ACTN2: variants seen among roughly 807,000 people sequenced by gnomAD.
ACTN2 encodes the protein actinin alpha 2.
A neutral mutation model predicts 113.8 loss-of-function variants in ACTN2; 39 were observed. The ratio of observed to expected loss-of-function variants is 0.34; its 90% confidence interval spans 0.27 to 0.45. ACTN2 has a LOEUF of 0.45. Among genes scored for constraint, ACTN2 ranks in the 20% least tolerant of loss-of-function variants. The pLI is 1.00. For synonymous variants in ACTN2, 429 were observed against 444.1 expected (o/e 0.97, Z 0.43); for missense variants, 992 against 1,177.9 (o/e 0.84, Z 2.31).
At chr1:236,691,437 G>A (rs1325239668) in intron 1 of ACTN2, among the ~76,000 whole-genome samples, 1 of 151,936 alleles carries the variant, frequency 6.6e-6, no homozygotes, top group African/African-American at 2.4e-5. Context: ...GAGCCCAGGA[G>A]TTTGAGACTG....
At chr1:236,692,744 G>A (rs898787279) in intron 1 of ACTN2, among the ~76,000 whole-genome samples, 2 of 152,092 alleles carry the variant, frequency 1.3e-5, no homozygotes, top group Non-Finnish European at 2.9e-5. Flanking sequence ...GTTGCCCTAG[G>A]CCTTCAGCCA....
At chr1:236,696,764 C>G (rs1467873184) in intron 1 of ACTN2, among the ~76,000 whole-genome samples, 1 of 151,226 alleles carries the variant, frequency 6.6e-6, no homozygotes, top group Non-Finnish European at 1.5e-5. Flanking sequence ...CTCCCGGGTT[C>G]AAGCGATTCT....
At chr1:236,716,283 A>G (rs777463258) in intron 1 of ACTN2, among the ~76,000 whole-genome samples, 1 of 152,048 alleles carries the variant, frequency 6.6e-6, no homozygotes, top group Non-Finnish European at 1.5e-5. Context: ...TTCATCTTGA[A>G]CACAAACCCT....
intron 15 of ACTN2, among the ~76,000 whole-genome samples, chr1:236,752,978 A>G (rs1398204299): frequency 1.3e-5 from 2 of 152,252 alleles, no homozygotes; most frequent in Admixed American, 1.3e-4. Flanking sequence ...TTTGCAGATG[A>G]CACAAAGAAA....
chr1:236,741,123 C>T (rs1231354703), intron 10 of ACTN2, among the ~76,000 whole-genome samples: 3 of 152,198 alleles, frequency 2.0e-5, no homozygotes, highest in Admixed American at 2.0e-4. Context: ...CAGCTCACTG[C>T]AGCCTTAATC....
intron 8 of ACTN2, 172 bp from the exon 9 acceptor site, chr1:236,736,950 G>A: frequency 1.5e-6 from 1 of 645,944 alleles, no homozygotes; most frequent in South Asian, 1.7e-5. Flanking sequence ...GGTGTGAAAT[G>A]ATTCATAGTA....
intron 4 of ACTN2, among the ~76,000 whole-genome samples, chr1:236,722,059 T>C (rs963794390): frequency 6.6e-6 from 1 of 152,116 alleles, no homozygotes; most frequent in Non-Finnish European, 1.5e-5. Flanking sequence ...AAATTATAAT[T>C]TTATTAGGAA....
chr1:236,758,802 C>T (rs1319032455), intron 18 of ACTN2, among the ~76,000 whole-genome samples: 1 of 151,936 alleles, frequency 6.6e-6, no homozygotes, highest in Non-Finnish European at 1.5e-5. Context: ...TGTATTTTTA[C>T]TAGAAACAGG....
At chr1:236,717,431 C>T (rs1354056917) in intron 1 of ACTN2, among the ~76,000 whole-genome samples, 1 of 152,228 alleles carries the variant, frequency 6.6e-6, no homozygotes, top group Non-Finnish European at 1.5e-5. Flanking sequence ...AGCTGGATGA[C>T]CCTGTCTCCA....
intron 1 of ACTN2, among the ~76,000 whole-genome samples, chr1:236,693,515 T>A (rs1572092427): frequency 6.6e-6 from 1 of 152,168 alleles, no homozygotes; most frequent in Non-Finnish European, 1.5e-5. Context: ...CCTGCTTGGT[T>A]CCCCTTCATG....
At chr1:236,718,038 T>C in intron 2 of ACTN2, 66 bp downstream of exon 2, 1 of 1,274,614 alleles carries the variant, frequency 7.8e-7, no homozygotes. Flanking sequence ...TATTTAAAGA[T>C]GACTACATCA....
intron 12 of ACTN2, 85 bp downstream of exon 12, chr1:236,744,861 C>T: frequency 6.3e-7 from 1 of 1,590,710 alleles, no homozygotes; most frequent in Non-Finnish European, 8.6e-7. Context: ...CCTTTCCTGA[C>T]TAAACGCAGA....
At chr1:236,721,582 T>A in intron 4 of ACTN2, among the ~76,000 whole-genome samples, 1 of 152,226 alleles carries the variant, frequency 6.6e-6, no homozygotes, top group East Asian at 1.9e-4. Flanking sequence ...TTTTGTACAA[T>A]ATAGTTCTAT....
At chr1:236,692,998 C>T (rs553731744) in intron 1 of ACTN2, among the ~76,000 whole-genome samples, 3 of 152,184 alleles carry the variant, frequency 2.0e-5, no homozygotes, top group Non-Finnish European at 4.4e-5. Context: ...AGAATCCTAC[C>T]GCCGTTTCCC....
In ACTN2 at chr1:236,761,206, A is replaced by G. The variant is rs2282366; in HGVS notation, c.2526+33A>G. ...TTGACAGATTTCCTTCTGCTTTAGC[A>G]GGAGTCCACTACATCCTTCTAACAA... On this transcript the variant is annotated intron_variant, in intron 20 of 20. Coordinates refer to ENST00000366578, the MANE Select transcript of ACTN2 (RefSeq NM_001103.4). The G allele has an allele frequency of 0.87, 1,410,871 of 1,613,256 alleles. 619,022 individuals carry two copies. Among genetic ancestry groups the G allele is most frequent in the Non-Finnish European group, 0.9 (1,056,552 of 1,179,570 alleles).
chr1:236,741,582 T>G (rs1452223394), intron 10 of ACTN2, among the ~76,000 whole-genome samples: 1 of 152,218 alleles, frequency 6.6e-6, no homozygotes, highest in Admixed American at 6.5e-5. Context: ...TCTGTCACTT[T>G]CTTACATCCA....
intron 13 of ACTN2, among the ~76,000 whole-genome samples, chr1:236,748,723 G>A (rs1659307055): frequency 6.6e-6 from 1 of 152,172 alleles, no homozygotes; most frequent in Non-Finnish European, 1.5e-5. Flanking sequence ...CTCTGCACAT[G>A]TTGACTCTAA....
At chr1:236,725,362 T>G (rs938502482) in intron 4 of ACTN2, among the ~76,000 whole-genome samples, 3 of 152,150 alleles carry the variant, frequency 2.0e-5, no homozygotes, top group African/African-American at 7.2e-5. Context: ...GCACAGTAGC[T>G]CACACCTAAA....
intron 7 of ACTN2, among the ~76,000 whole-genome samples, chr1:236,732,210 G>A (rs1433269808): frequency 1.3e-5 from 2 of 152,108 alleles, no homozygotes; most frequent in African/African-American, 4.8e-5. Context: ...ACTGCAAACT[G>A]GGCAGCCTCA....
Sources: allele counts gnomAD v4.1 joint callset (sites outside exome capture counted in the v4.1 genomes callset), GRCh38; gene constraint gnomAD v4.1.1; transcripts MANE v1.5; gene names NCBI Gene and HGNC (gene_info 2026-07-23, HGNC 2026-07-21).